Variants in WFDC9 observed in about 807,000 individuals in gnomAD.
The protein encoded by WFDC9 is protein WFDC9.
WFDC9 carries 9 observed loss-of-function variants against 9.5 expected under a neutral mutation model. The observed-to-expected ratio is 0.95, with a 90% CI of 0.57 to 1.65. The LOEUF (loss-of-function observed/expected upper bound fraction) is 1.65. WFDC9 is among the 40% of genes most tolerant of loss of function. WFDC9 has a pLI of 0.00. For synonymous variants in WFDC9, 33 were observed against 32.3 expected (o/e 1.02, Z -0.07); for missense variants, 87 against 106.7 (o/e 0.82, Z 0.81).
intron 1 of WFDC9, among the ~76,000 whole-genome samples, chr20:45,620,455 G>A (rs534647957): frequency 7.5e-4 from 114 of 152,162 alleles, no homozygotes; most frequent in Admixed American, 1.8e-3. Context: ...AGCTGGGTGC[G>A]GTGGCACACA....
chr20:45,615,435 T>C (rs1346351951), intron 1 of WFDC9, among the ~76,000 whole-genome samples: 1 of 152,150 alleles, frequency 6.6e-6, no homozygotes, highest in Non-Finnish European at 1.5e-5. Context: ...GCAGGAATAT[T>C]ATACGCAGTG....
intron 1 of WFDC9, among the ~76,000 whole-genome samples, chr20:45,624,099 G>C: frequency 6.6e-6 from 1 of 152,156 alleles, no homozygotes; most frequent in Non-Finnish European, 1.5e-5. Flanking sequence ...GGCTGAGGCA[G>C]GAGAATGGCT....
chr20:45,626,001 T>C (rs187938903), intron 1 of WFDC9, among the ~76,000 whole-genome samples: 2 of 151,932 alleles, frequency 1.3e-5, no homozygotes, highest in South Asian at 2.1e-4. Context: ...TTTGTACTTT[T>C]AGTAGAGATG....
chr20:45,617,848 T>G (rs1043285538), intron 1 of WFDC9, among the ~76,000 whole-genome samples: 1 of 152,204 alleles, frequency 6.6e-6, no homozygotes, highest in Non-Finnish European at 1.5e-5. Flanking sequence ...TAACACATAT[T>G]TTGTATGCTA....
chr20:45,623,044 AC>A lies in WFDC9; in HGVS notation c.-153+8158del, dbSNP rs561337369. Among the ~76,000 whole-genome samples the A allele has an allele frequency of 4.5e-4, 68 of 152,292 alleles. No individual in the cohort carries two copies. The East Asian group carries it at 9.7e-3, about 22-fold the overall frequency. On this transcript the variant is annotated intron_variant, in intron 1 of 4. Transcript: ENST00000326000. ...GAAATGGCTCAGGAGTGAGGGGGAA[AC>A]TAATGGATGGGACCAGCTGATAATC...
chr20:45,618,006 C>T (rs776493624), intron 1 of WFDC9, among the ~76,000 whole-genome samples: 18 of 152,234 alleles, frequency 1.2e-4, no homozygotes, highest in Non-Finnish European at 1.8e-4. Flanking sequence ...ATAATGAACC[C>T]GCACAGTTCA....
At chr20:45,617,466 A>T (rs996277313) in intron 1 of WFDC9, among the ~76,000 whole-genome samples, 3 of 152,174 alleles carry the variant, frequency 2.0e-5, no homozygotes, top group Non-Finnish European at 4.4e-5. Context: ...AAAAAAATTT[A>T]AAAAGAAAAT....
chr20:45,615,957 G>A (rs1313654925), intron 1 of WFDC9, among the ~76,000 whole-genome samples: 1 of 152,192 alleles, frequency 6.6e-6, no homozygotes, highest in African/African-American at 2.4e-5. Context: ...TCATCTTTTT[G>A]CTGGTGGAGG....
intron 1 of WFDC9, among the ~76,000 whole-genome samples, chr20:45,616,171 A>G (rs1185629787): frequency 3.3e-5 from 5 of 152,166 alleles, no homozygotes; most frequent in Admixed American, 6.5e-5. Context: ...ATTTCGGTCA[A>G]TCCTCTCAAA....
rs757239652 is a variant in WFDC9, at chr20:45,610,097, C to A, written c.85G>T (p.Asp29Tyr). The A allele has an allele frequency of 6.2e-7, 1 of 1,613,932 alleles. No individual in the cohort carries two copies. Among genetic ancestry groups the A allele is most frequent in the East Asian group, 2.2e-5 (1 of 44,876 alleles). Residue 29 changes from aspartate (D) to tyrosine (Y), a missense_variant, in exon 3 of 5, where the codon GAT becomes TAT. Transcript: ENST00000326000. ...LPVLGSFWNK[D>Y]PFLDMIRETE... is the part of the protein sequence containing the mutation. ...CCCTTTTCACACCACCCACAGGGAT[C>A]TTTGTTCCAGAAGCTTCCCAGCACA...
intron 1 of WFDC9, among the ~76,000 whole-genome samples, chr20:45,624,278 G>A (rs1348684020): frequency 6.6e-6 from 1 of 152,110 alleles, no homozygotes; most frequent in Non-Finnish European, 1.5e-5. Context: ...TTACTTCCAT[G>A]AGGTCGACTT....
rs185171550 is a variant in WFDC9 at position 45,616,831 on chromosome 20, C to T, written c.-152-2110G>A. ...TCAGTATACCATGCTGTCACACAGTCTTTGCTGTTTCATTTATAGAGCAGA... is the reference window on the plus strand; with the variant it reads ...TCAGTATACCATGCTGTCACACAGTTTTTGCTGTTTCATTTATAGAGCAGA... On this transcript the variant is annotated intron_variant, in intron 1 of 4. Transcript: ENST00000326000. Among the ~76,000 whole-genome samples the T allele has an allele frequency of 7.5e-4, 115 of 152,318 alleles. 1 individual carries two copies. The highest frequency in any genetic ancestry group is 2.7e-3 in the African/African-American group (111 of 41,582).
At chr20:45,620,487 G>A (rs1465567409) in intron 1 of WFDC9, among the ~76,000 whole-genome samples, 1 of 152,140 alleles carries the variant, frequency 6.6e-6, no homozygotes, top group African/African-American at 2.4e-5. Flanking sequence ...AGCTATTCGG[G>A]AGGCTGAGGC....
intron 1 of WFDC9, among the ~76,000 whole-genome samples, chr20:45,626,476 T>C (rs1328627378): frequency 1.3e-5 from 2 of 152,132 alleles, no homozygotes; most frequent in African/African-American, 4.8e-5. Flanking sequence ...CTTTTATCAG[T>C]GTTTTGTAGT....
chr20:45,616,166 G>A (rs977654852), intron 1 of WFDC9, among the ~76,000 whole-genome samples: 1 of 152,056 alleles, frequency 6.6e-6, no homozygotes, highest in Non-Finnish European at 1.5e-5. Context: ...TCAAAATTTC[G>A]GTCAATCCTC....
At chr20:45,627,530 T>C (rs1328756153) in intron 1 of WFDC9, among the ~76,000 whole-genome samples, 3 of 101,914 alleles carry the variant, frequency 2.9e-5, no homozygotes, top group African/African-American at 1.2e-4. Context: ...CTTCTGTTTC[T>C]TTTTGGTTCA....
At position 45,608,046 on chromosome 20, in the gene WFDC9, G is replaced by A; in HGVS notation, c.*64C>T. ...CAGTGGGTGTCCCAAGAAGGAAGTA[G>A]GCAGCACTCTTCTTAGACCAGATGG... On this transcript the variant is annotated 3_prime_UTR_variant, in exon 5 of 5. Coordinates refer to ENST00000326000, the MANE Select transcript of WFDC9 (RefSeq NM_147198.4). The A allele has an allele frequency of 6.3e-7, 1 of 1,584,554 alleles. No individual in the cohort carries two copies. Among genetic ancestry groups the A allele is most frequent in the Non-Finnish European group, 8.7e-7 (1 of 1,154,556 alleles).
chr20:45,608,654 C>G lies in WFDC9; in HGVS notation c.239+9G>C, dbSNP rs201384053. On this transcript the variant is annotated intron_variant, in intron 4 of 4. Transcript: ENST00000326000. ...CCAGGCCCTAGCCTTCCCACCCCAA[C>G]CAACTCACTCGTTGTCTAAGCAGAT... The G allele has an allele frequency of 2.0e-5, 32 of 1,608,988 alleles. No individual in the cohort carries two copies. The highest frequency in any genetic ancestry group is 2.0e-5 in the Non-Finnish European group (23 of 1,177,410).
chr20:45,617,548 C>T (rs548924160), intron 1 of WFDC9, among the ~76,000 whole-genome samples: 51 of 152,226 alleles, frequency 3.4e-4, no homozygotes, highest in Non-Finnish European at 5.3e-4. Context: ...ATTTTAGAGA[C>T]AGGGTCTTGC....
Sources: gnomAD v4.1 joint callset for allele counts (sites outside exome capture counted in the v4.1 genomes callset) on GRCh38, gnomAD v4.1.1 for gene constraint, MANE v1.5 for transcripts, NCBI Gene and HGNC (gene_info 2026-07-23, HGNC 2026-07-21) for gene names.